INPP4B: variants seen among roughly 807,000 people sequenced by gnomAD.
INPP4B encodes the protein inositol polyphosphate-4-phosphatase type II B, also known as inositol polyphosphate 4-phosphatase type II.
In INPP4B, 55 loss-of-function variants were observed where a neutral mutation model predicts 122.5. That is an observed-to-expected ratio of 0.45 (90% CI 0.36 to 0.56). The LOEUF (loss-of-function observed/expected upper bound fraction) is 0.56. Ranked by LOEUF, INPP4B falls within the 20% of genes least tolerant of loss-of-function variation. INPP4B has a pLI of 0.00. For missense variants in INPP4B, 1,000 were observed against 1,097.7 expected (o/e 0.91, Z 1.26); for synonymous variants, 403 against 388.7 (o/e 1.04, Z -0.43).
chr4:142,330,206 T>C (rs935525893), intron 7 of INPP4B, among the ~76,000 whole-genome samples: 1 of 152,160 alleles, frequency 6.6e-6, no homozygotes, highest in African/African-American at 2.4e-5. Flanking sequence ...TAATGATGCA[T>C]GTGTGGAAGA....
intron 16 of INPP4B, among the ~76,000 whole-genome samples, chr4:142,170,171 T>C (rs527781011): frequency 7.2e-5 from 11 of 151,748 alleles, no homozygotes; most frequent in Admixed American, 1.3e-4. Flanking sequence ...TTGCCTTTTT[T>C]GTTGGAATTA....
intron 2 of INPP4B, among the ~76,000 whole-genome samples, chr4:142,618,384 T>C (rs549368947): frequency 6.2e-4 from 94 of 152,036 alleles, no homozygotes; most frequent in Admixed American, 1.1e-3. Context: ...ATGAAAGACA[T>C]ATGGACCAAT....
intron 4 of INPP4B, among the ~76,000 whole-genome samples, chr4:142,429,981 T>C (rs928896895): frequency 1.3e-5 from 2 of 152,046 alleles, no homozygotes; most frequent in South Asian, 4.1e-4. Context: ...TTGTTACAAC[T>C]CAAGGGTGGC....
At chr4:142,137,982 T>G (rs1269974457) in intron 18 of INPP4B, among the ~76,000 whole-genome samples, 2 of 152,132 alleles carry the variant, frequency 1.3e-5, no homozygotes. Flanking sequence ...GAGTGGCGAT[T>G]CCTCAGGGAT....
chr4:142,056,171 A>G (rs530190785), intron 25 of INPP4B, among the ~76,000 whole-genome samples: 187 of 152,134 alleles, frequency 1.2e-3, no homozygotes, highest in African/African-American at 4.3e-3. Context: ...TGGCTCACCC[A>G]CTGTTCACCT....
chr4:142,396,801 T>C (rs2149067734), intron 7 of INPP4B, among the ~76,000 whole-genome samples: 1 of 152,082 alleles, frequency 6.6e-6, no homozygotes, highest in African/African-American at 2.4e-5. Context: ...TGCAGGAAAT[T>C]AATTAATCTA....
At chr4:142,260,594 ATTTTGAG>A in intron 10 of INPP4B, 30 bp from the exon 11 acceptor site, 39 of 1,096,688 alleles carry the variant, frequency 3.6e-5, no homozygotes, top group Non-Finnish European at 4.8e-5. Context: ...AAAAAAAAAA[ATTTTGAG>A]AACAATCAAA....
chr4:142,284,558 A>T (rs916540963), intron 9 of INPP4B, among the ~76,000 whole-genome samples: 2 of 152,140 alleles, frequency 1.3e-5, no homozygotes, highest in African/African-American at 4.8e-5. Context: ...GTGGAGTGGG[A>T]ACTTGTCAGA....
chr4:142,225,275 G>T (rs531512782), intron 12 of INPP4B, among the ~76,000 whole-genome samples: 31 of 152,220 alleles, frequency 2.0e-4, no homozygotes, highest in South Asian at 4.1e-4. Context: ...TTACACCAGT[G>T]GTCTGCCAGG....
chr4:142,235,230 A>G (rs1321444244), intron 12 of INPP4B, among the ~76,000 whole-genome samples: 2 of 152,118 alleles, frequency 1.3e-5, no homozygotes, highest in Admixed American at 1.3e-4. Flanking sequence ...GACGGAGTCT[A>G]TATCTTTACT....
intron 11 of INPP4B, among the ~76,000 whole-genome samples, chr4:142,255,825 A>G (rs1735618904): frequency 6.6e-6 from 1 of 151,610 alleles, no homozygotes; most frequent in African/African-American, 2.4e-5. Flanking sequence ...GATACCCAGG[A>G]ATTGAACTCA....
chr4:142,369,591 T>A lies in INPP4B; in HGVS notation c.372+33347A>T, dbSNP rs575655043. Among the ~76,000 whole-genome samples the A allele has an allele frequency of 9.4e-3, 1,286 of 136,476 alleles. 12 individuals carry two copies. Among genetic ancestry groups the A allele is most frequent in the African/African-American group, 0.031 (1,039 of 33,698 alleles). The allele number at this position is 136,476 out of a possible 152,430, so 89.5% of individuals were successfully genotyped here. A position where few individuals can be genotyped will look rare whatever the true frequency, so the allele number is the denominator to read the frequency against. ...GACCCTGTCTCGAAAATTAAAAAAA[T>A]AAATAAATAAATAAATAAATAAATA... On this transcript the variant is annotated intron_variant, in intron 7 of 25. Coordinates refer to ENST00000262992, the MANE Select transcript of INPP4B (RefSeq NM_001101669.3).
intron 1 of INPP4B, among the ~76,000 whole-genome samples, chr4:142,839,920 G>T (rs1783275928): frequency 6.6e-6 from 1 of 152,152 alleles, no homozygotes; most frequent in Admixed American, 6.6e-5. Flanking sequence ...AGTGAACATG[G>T]CTGAAATGTC....
intron 11 of INPP4B, among the ~76,000 whole-genome samples, chr4:142,238,596 C>T (rs946957614): frequency 2.6e-4 from 40 of 151,990 alleles, no homozygotes; most frequent in African/African-American, 9.2e-4. Context: ...TGTAAAAATT[C>T]AAATACCAAG....
intron 2 of INPP4B, among the ~76,000 whole-genome samples, chr4:142,488,160 A>G (rs777736255): frequency 9.0e-4 from 137 of 152,252 alleles, no homozygotes; most frequent in Non-Finnish European, 1.6e-3. Context: ...TGAGGTGATC[A>G]TAGAACTTCC....
chr4:142,031,618 G>A (rs1302174031), intron 25 of INPP4B, among the ~76,000 whole-genome samples: 1 of 152,054 alleles, frequency 6.6e-6, no homozygotes, highest in Non-Finnish European at 1.5e-5. Flanking sequence ...TTTTTGATTT[G>A]CATTTATTCC....
chr4:142,044,455 CGAG>C (rs146153499), intron 25 of INPP4B, among the ~76,000 whole-genome samples: 2,001 of 152,180 alleles, frequency 0.013, 46 homozygotes, highest in African/African-American at 0.046. Context: ...ACAAAGGAAA[CGAG>C]GTCACCAGAT....
At chr4:142,470,512 C>A (rs1372338381) in intron 2 of INPP4B, among the ~76,000 whole-genome samples, 2 of 152,072 alleles carry the variant, frequency 1.3e-5, no homozygotes, top group African/African-American at 4.8e-5. Context: ...CTACCCTGTC[C>A]CAGAAAATCT....
intron 18 of INPP4B, among the ~76,000 whole-genome samples, chr4:142,133,347 C>A (rs576197104): frequency 1.3e-5 from 2 of 152,194 alleles, no homozygotes; most frequent in South Asian, 4.2e-4. Flanking sequence ...ATCTCCATGT[C>A]GAATTTAACA....
Sources: gnomAD v4.1 joint callset for allele counts (sites outside exome capture counted in the v4.1 genomes callset) on GRCh38, gnomAD v4.1.1 for gene constraint, MANE v1.5 for transcripts, NCBI Gene and HGNC (gene_info 2026-07-23, HGNC 2026-07-21) for gene names.